DLGAP2: variants seen among roughly 807,000 people sequenced by gnomAD.
DLGAP2 encodes the protein DLG associated protein 2.
In DLGAP2, 26 loss-of-function variants were observed where a neutral mutation model predicts 100.3. That is an observed-to-expected ratio of 0.26 (90% CI 0.19 to 0.36). The LOEUF (loss-of-function observed/expected upper bound fraction) is 0.36. DLGAP2 is among the 10% of genes least tolerant of loss of function. The probability of loss-of-function intolerance (pLI) is 1.00; values close to 1 mark genes in which losing one functional copy is unlikely to be tolerated. For synonymous variants in DLGAP2, 886 were observed against 630.1 expected, an observed-to-expected ratio of 1.41 and a Z score of -6.08; for missense variants, 1,858 against 1,453.2, an observed-to-expected ratio of 1.28 and a Z score of -4.53.
chr8:874,433 AT>A (rs1797653120), intron 1 of DLGAP2, among the ~76,000 whole-genome samples: 1 of 152,034 alleles, frequency 6.6e-6, no homozygotes, highest in African/African-American at 2.4e-5. Flanking sequence ...GTATTTTCTA[AT>A]TTCCTTTGGG....
At chr8:1,095,295 C>T (rs968129742) in intron 2 of DLGAP2, among the ~76,000 whole-genome samples, 1 of 152,194 alleles carries the variant, frequency 6.6e-6, no homozygotes, top group African/African-American at 2.4e-5. Flanking sequence ...GGGTTTAGCA[C>T]CCAAATCTGC....
chr8:776,587 C>A (rs1016045435), intron 1 of DLGAP2, among the ~76,000 whole-genome samples: 5 of 152,220 alleles, frequency 3.3e-5, no homozygotes, highest in Non-Finnish European at 7.3e-5. Context: ...ATCTTTATTT[C>A]TGCCTTCATT....
chr8:1,705,018 ATC>A lies in DLGAP2; in HGVS notation c.*3616_*3617del, dbSNP rs1799667938. Reference sequence around the variant, plus strand: ...AGGCCCTGCATCCGTAAATTCGCGCATCTCTGTTTTTGTTAGATCCTTGTAAG... The same window carrying A: ...AGGCCCTGCATCCGTAAATTCGCGCATCTGTTTTTGTTAGATCCTTGTAAG... On this transcript the variant is annotated 3_prime_UTR_variant, in exon 15 of 15. Transcript: ENST00000637795. 1 of 152,174 alleles carries A rather than the reference ATC, an allele frequency of 6.6e-6. No individual in the cohort carries two copies. The highest frequency in any genetic ancestry group is 1.5e-5 in the Non-Finnish European group (1 of 68,036). 9.4% of individuals were successfully genotyped at this position (152,174 alleles called of 1,614,324 possible). A position where few individuals can be genotyped will look rare whatever the true frequency, so the allele number is the denominator to read the frequency against.
At chr8:1,138,656 C>T (rs184427968) in intron 2 of DLGAP2, among the ~76,000 whole-genome samples, 6 of 152,364 alleles carry the variant, frequency 3.9e-5, no homozygotes, top group African/African-American at 1.2e-4. Context: ...TTGCTGGCCT[C>T]CCTCTCAGGT....
At chr8:775,499 C>A (rs1310509416) in intron 1 of DLGAP2, among the ~76,000 whole-genome samples, 2 of 134,312 alleles carry the variant, frequency 1.5e-5, no homozygotes, top group East Asian at 2.1e-4. Flanking sequence ...TCATAGATAG[C>A]TCTTATTATT....
intron 6 of DLGAP2, among the ~76,000 whole-genome samples, chr8:1,591,797 G>C (rs1469194927): frequency 6.6e-6 from 1 of 152,186 alleles, no homozygotes; most frequent in Non-Finnish European, 1.5e-5. Context: ...CCCCAGCAGA[G>C]GGAAACCCTG....
intron 10 of DLGAP2, among the ~76,000 whole-genome samples, chr8:1,673,345 C>CTT (rs1798736278): frequency 6.6e-6 from 1 of 152,140 alleles, no homozygotes; most frequent in Admixed American, 6.5e-5. Context: ...AATTTATTTT[C>CTT]TTTGTCCCAG....
At chr8:1,315,337 C>T (rs1443772657) in intron 3 of DLGAP2, among the ~76,000 whole-genome samples, 8 of 146,592 alleles carry the variant, frequency 5.5e-5, no homozygotes, top group African/African-American at 1.8e-4. Context: ...TCGAGAAACT[C>T]GGCAGCGTTT....
intron 1 of DLGAP2, among the ~76,000 whole-genome samples, chr8:863,375 A>T (rs1460734115): frequency 6.6e-6 from 1 of 152,224 alleles, no homozygotes; most frequent in Non-Finnish European, 1.5e-5. Flanking sequence ...CCAAATATTT[A>T]AGGTTAGCTG....
intron 2 of DLGAP2, among the ~76,000 whole-genome samples, chr8:1,066,941 G>A (rs986075892): frequency 2.0e-5 from 3 of 152,198 alleles, no homozygotes; most frequent in African/African-American, 7.2e-5. Flanking sequence ...CTTCCTGGTC[G>A]CAGCAGGCGG....
chr8:1,373,119 G>C (rs1444073141), intron 3 of DLGAP2, among the ~76,000 whole-genome samples: 1 of 152,204 alleles, frequency 6.6e-6, no homozygotes, highest in African/African-American at 2.4e-5. Context: ...CTGGGGGGGC[G>C]CCAGCATGTG....
chr8:1,173,315 T>A (rs1405521496), intron 2 of DLGAP2, among the ~76,000 whole-genome samples: 1 of 152,226 alleles, frequency 6.6e-6, no homozygotes, highest in Non-Finnish European at 1.5e-5. Flanking sequence ...CCAGTTAGGC[T>A]GCTCAGGGGT....
intron 1 of DLGAP2, among the ~76,000 whole-genome samples, chr8:840,493 C>CTCGATTCTG (rs1796961272): frequency 7.8e-6 from 1 of 128,698 alleles, no homozygotes. Flanking sequence ...TCCCTACACT[C>CTCGATTCTG]TGGATTCTGC....
rs575857932 is a variant in DLGAP2 at position 1,424,096 on chromosome 8, C to T, written c.107-77270C>T. ...TCCCATGGCACTCAGAGGACACCAG[C>T]ATGAAGGTCCTTGTGAACTAAAGCG... On this transcript the variant is annotated intron_variant, in intron 3 of 14. Transcript: ENST00000637795. Among the ~76,000 whole-genome samples the T allele has an allele frequency of 7.2e-5, 11 of 152,362 alleles. No homozygotes were observed. The East Asian group carries it at 9.6e-4, about 13-fold the overall frequency.
intron 3 of DLGAP2, among the ~76,000 whole-genome samples, chr8:1,364,791 G>A (rs1027028204): frequency 6.6e-6 from 1 of 152,262 alleles, no homozygotes; most frequent in Non-Finnish European, 1.5e-5. Context: ...GCTGGAGAGA[G>A]AGGGGACGCT....
chr8:818,643 C>G lies in DLGAP2; in HGVS notation c.18+80818C>G, dbSNP rs776144382. 7.2e-5 allele frequency among the ~76,000 whole-genome samples: 11 copies of G among 152,174 alleles called. No individual in the cohort carries two copies. The South Asian group carries it at 1.4e-3, about 20-fold the overall frequency. ...TGGGAGCTGCAAGTTAGTCCTGCCT[C>G]CTATCTGTCATCTTAATCCTCTCTG... On this transcript the variant is annotated intron_variant, in intron 1 of 14. Transcript: ENST00000637795.
At chr8:1,200,343 C>T (rs1265482998) in intron 2 of DLGAP2, among the ~76,000 whole-genome samples, 1 of 152,226 alleles carries the variant, frequency 6.6e-6, no homozygotes, top group Non-Finnish European at 1.5e-5. Context: ...GTGGCCCCGG[C>T]TCCTAATTCA....
chr8:1,258,919 G>A (rs1799285178), intron 3 of DLGAP2, 36 bp downstream of exon 3: 1 of 1,231,526 alleles, frequency 8.1e-7, no homozygotes, highest in Non-Finnish European at 1.0e-6. Flanking sequence ...GTGGGCGGGG[G>A]CCGCGCGGCT....
intron 3 of DLGAP2, among the ~76,000 whole-genome samples, chr8:1,264,208 A>G (rs1742813492): frequency 6.6e-6 from 1 of 152,156 alleles, no homozygotes; most frequent in African/African-American, 2.4e-5. Flanking sequence ...ACTAAGAAGG[A>G]ATTCCAACCA....
Sources: gnomAD v4.1 joint callset for allele counts (sites outside exome capture counted in the v4.1 genomes callset) on GRCh38, gnomAD v4.1.1 for gene constraint, MANE v1.5 for transcripts, NCBI Gene and HGNC (gene_info 2026-07-23, HGNC 2026-07-21) for gene names.